Variants in SAMMSON observed in about 807,000 individuals in gnomAD.
The protein encoded by SAMMSON is long intergenic non-protein coding RNA 1212.
chr3:70,408,180 C>G (rs1575643226), intron 2 of SAMMSON, among the ~76,000 whole-genome samples: 2 of 152,222 alleles, frequency 1.3e-5, no homozygotes, highest in East Asian at 3.9e-4. Flanking sequence ...CCATTTTCTC[C>G]TAGGCCTGTG....
chr3:70,004,778 A>T (rs1470555357), intron 1 of SAMMSON, among the ~76,000 whole-genome samples: 1 of 149,724 alleles, frequency 6.7e-6, no homozygotes, highest in Non-Finnish European at 1.5e-5. Context: ...AGATAATGAG[A>T]CATAAAGTTT....
At chr3:70,137,335 G>T (rs928013208) in intron 4 of SAMMSON, among the ~76,000 whole-genome samples, 1 of 152,124 alleles carries the variant, frequency 6.6e-6, no homozygotes, top group African/African-American at 2.4e-5. Context: ...TGACTTATGG[G>T]CCAAATTTGT....
chr3:70,238,310 TA>T (rs1235155931), intron 4 of SAMMSON, among the ~76,000 whole-genome samples: 4 of 151,940 alleles, frequency 2.6e-5, no homozygotes, highest in African/African-American at 9.7e-5. Context: ...CTGCCATGTG[TA>T]AAAAGTCTAT....
At chr3:70,180,272 T>C (rs1701042329) in intron 4 of SAMMSON, among the ~76,000 whole-genome samples, 1 of 152,094 alleles carries the variant, frequency 6.6e-6, no homozygotes, top group Non-Finnish European at 1.5e-5. Context: ...AAGATTGAAC[T>C]AAATAATGTA....
At chr3:70,052,209 C>A (rs1357774689) in intron 3 of SAMMSON, among the ~76,000 whole-genome samples, 1 of 152,098 alleles carries the variant, frequency 6.6e-6, no homozygotes, top group Admixed American at 6.6e-5. Context: ...TAAAGTATTA[C>A]CCACAAGAAT....
intron 4 of SAMMSON, among the ~76,000 whole-genome samples, chr3:70,099,533 A>G (rs758935961): frequency 4.6e-5 from 7 of 152,180 alleles, no homozygotes; most frequent in Non-Finnish European, 8.8e-5. Context: ...AATTTTTATC[A>G]GTTTTTCAAC....
At chr3:70,042,222 G>C (rs1284172906) in intron 3 of SAMMSON, among the ~76,000 whole-genome samples, 1 of 152,062 alleles carries the variant, frequency 6.6e-6, no homozygotes, top group Non-Finnish European at 1.5e-5. Context: ...CGCAAATCTG[G>C]AATTTGGGAT....
intron 4 of SAMMSON, among the ~76,000 whole-genome samples, chr3:70,136,247 G>A (rs566651415): frequency 6.6e-6 from 1 of 152,138 alleles, no homozygotes; most frequent in South Asian, 2.1e-4. Flanking sequence ...GAACTGAGCT[G>A]TTCACCAAAA....
intron 3 of SAMMSON, among the ~76,000 whole-genome samples, chr3:70,046,027 A>T (rs1159204120): frequency 5.9e-5 from 9 of 152,152 alleles, no homozygotes; most frequent in Admixed American, 5.9e-4. Flanking sequence ...TTTAAAATGC[A>T]AGTAATCTTT....
At chr3:70,271,619 C>CAAT (rs1359070941) in intron 6 of SAMMSON, among the ~76,000 whole-genome samples, 3 of 152,168 alleles carry the variant, frequency 2.0e-5, no homozygotes, top group Non-Finnish European at 4.4e-5. Context: ...ATAGCCAAAA[C>CAAT]AATAGACCCA....
At chr3:70,282,393 T>A (rs953436452) in intron 6 of SAMMSON, among the ~76,000 whole-genome samples, 11 of 152,126 alleles carry the variant, frequency 7.2e-5, no homozygotes, top group Non-Finnish European at 1.2e-4. Context: ...ACTTTGTAAA[T>A]CCGATCATGT....
At chr3:70,245,692 TATATATATATATATATATATATAC>T (rs1214669431) in intron 4 of SAMMSON, among the ~76,000 whole-genome samples, 1 of 135,766 alleles carries the variant, frequency 7.4e-6, no homozygotes, top group Non-Finnish European at 1.6e-5. Flanking sequence ...TATATATATA[TATATATATATATATATATATATAC>T]ACATTCAAAT....
intron 6 of SAMMSON, among the ~76,000 whole-genome samples, chr3:70,266,477 G>T (rs968375412): frequency 2.0e-5 from 3 of 152,036 alleles, no homozygotes; most frequent in African/African-American, 7.2e-5. Flanking sequence ...CTGGAGAGTA[G>T]TGGCACAATC....
At chr3:70,188,772 A>G (rs1194407746) in intron 4 of SAMMSON, among the ~76,000 whole-genome samples, 3 of 152,218 alleles carry the variant, frequency 2.0e-5, no homozygotes, top group Admixed American at 6.5e-5. Context: ...TATTAACAAC[A>G]CTTTATCATC....
chr3:70,236,479 A>C (rs916902658), intron 4 of SAMMSON, among the ~76,000 whole-genome samples: 3 of 152,206 alleles, frequency 2.0e-5, no homozygotes, highest in Non-Finnish European at 4.4e-5. Context: ...TCTTCTTACT[A>C]ATGTGTAAGC....
intron 4 of SAMMSON, among the ~76,000 whole-genome samples, chr3:70,196,541 A>G (rs1002843542): frequency 6.6e-6 from 1 of 152,204 alleles, no homozygotes; most frequent in Admixed American, 6.5e-5. Flanking sequence ...TGTCAATTCT[A>G]AAAGAATGCA....
chr3:70,362,743 T>C (rs1393477569), intron 9 of SAMMSON, among the ~76,000 whole-genome samples: 1 of 152,024 alleles, frequency 6.6e-6, no homozygotes, highest in Non-Finnish European at 1.5e-5. Flanking sequence ...TATAAATAAC[T>C]GTTACTAATA....
chr3:70,124,814 CAAAAAAAAAAAAAAAA>C (rs1208323683), intron 4 of SAMMSON, among the ~76,000 whole-genome samples: 1 of 53,694 alleles, frequency 1.9e-5, no homozygotes, highest in African/African-American at 7.3e-5. Context: ...GACTCCATCT[CAAAAAAAAAAAAAAAA>C]AAAAAAAAAG....
chr3:70,014,939 T>G (rs9834141), intron 3 of SAMMSON: 84,828 of 151,998 alleles, frequency 0.56, 25,506 homozygotes, highest in African/African-American at 0.77. Context: ...TACGAACTTA[T>G]GTTACCAATC....
Sources: gnomAD v4.1 joint callset for allele counts (sites outside exome capture counted in the v4.1 genomes callset) on GRCh38, gnomAD v4.1.1 for gene constraint, MANE v1.5 for transcripts, NCBI Gene and HGNC (gene_info 2026-07-23, HGNC 2026-07-21) for gene names.